SPANXN2: variants seen among roughly 807,000 people sequenced by gnomAD.
SPANXN2 encodes sperm protein associated with the nucleus on the X chromosome N2.
SPANXN2 carries 1 observed loss-of-function variant against 2.0 expected under a neutral mutation model. The ratio of observed to expected loss-of-function variants is 0.50; its 90% CI spans 0.18 to 2.36. SPANXN2 has a LOEUF of 2.36. Among genes scored for constraint, SPANXN2 ranks in the 30% most tolerant of loss-of-function variants. The probability of loss-of-function intolerance (pLI) is 0.26; values close to 1 mark genes in which losing one functional copy is unlikely to be tolerated. For synonymous variants in SPANXN2, 43 were observed against 49.8 expected (o/e 0.86, Z 0.58); for missense variants, 88 against 116.7 (o/e 0.75, Z 1.13).
At chrX:143,714,569 T>C (rs1180859153) in intron 1 of SPANXN2, among the ~76,000 whole-genome samples, 1 of 111,544 alleles carries the variant, frequency 9.0e-6, no homozygotes, top group African/African-American at 3.3e-5. Flanking sequence ...CAGACAGAAA[T>C]CAGGCCATAT....
chrX:143,719,521 T>G (rs1320014725), intron 1 of SPANXN2, among the ~76,000 whole-genome samples: 2 of 112,124 alleles, frequency 1.8e-5, no homozygotes, highest in African/African-American at 6.5e-5. Context: ...AAAGGGTTTG[T>G]GCAGAATTCA....
chrX:143,711,989 G>A (rs1246758889), exon 2 of SPANXN2: 18 of 1,206,589 alleles, frequency 1.5e-5, no homozygotes, highest in Non-Finnish European at 2.0e-5. Flanking sequence ...TGTAATCATC[G>A]CCATTGGTAG....
intron 1 of SPANXN2, among the ~76,000 whole-genome samples, chrX:143,714,039 CG>C (rs1416062589): frequency 1.8e-5 from 2 of 108,883 alleles, no homozygotes; most frequent in African/African-American, 6.7e-5. Context: ...CCAACACACC[CG>C]TTCTTCAGCC....
chrX:143,718,566 C>T (rs187108606), intron 1 of SPANXN2, among the ~76,000 whole-genome samples: 80 of 111,911 alleles, frequency 7.1e-4, no homozygotes, highest in Non-Finnish European at 1.1e-3. Flanking sequence ...AGATCCACAT[C>T]TAGAAATTTG....
Position 143,712,077 on chromosome X carries a change from T to C in SPANXN2, c.501A>G (p.Leu167=), listed in dbSNP as rs145743231. 8.4e-5 allele frequency: 102 copies of C among 1,210,072 alleles called. No individual in the cohort carries two copies. The highest frequency in any genetic ancestry group is 1.1e-4 in the Non-Finnish European group (96 of 894,847). Residue 167 remains leucine, a synonymous_variant, in exon 2 of 2, where the codon CTA becomes CTG. Transcript: ENST00000598475. ...CCTGTGAAGATCCTTCAGATGAGTC[T>C]AGGTCTTCGTCCTCCTGTGAAGATC...
At chrX:143,720,471 T>G (rs1932348277) in intron 1 of SPANXN2, 120 bp downstream of exon 1, 7 of 770,934 alleles carry the variant, frequency 9.1e-6, no homozygotes, top group East Asian at 4.2e-5. Flanking sequence ...GGTTCTGGCA[T>G]TAAGCGGGTC....
exon 1 of SPANXN2, chrX:143,720,655 G>T (rs782426346): frequency 8.3e-7 from 1 of 1,211,032 alleles, no homozygotes; most frequent in East Asian, 3.0e-5. Context: ...GGTGCTTGAA[G>T]TCGGCTGTTC....
At chrX:143,715,022 T>C (rs1206451048) in intron 1 of SPANXN2, among the ~76,000 whole-genome samples, 2 of 111,199 alleles carry the variant, frequency 1.8e-5, no homozygotes, top group Non-Finnish European at 3.8e-5. Context: ...ACTCTGGAAA[T>C]CTTGCCCCAT....
At chrX:143,715,137 C>T (rs1308755881) in intron 1 of SPANXN2, among the ~76,000 whole-genome samples, 1 of 111,559 alleles carries the variant, frequency 9.0e-6, no homozygotes, top group African/African-American at 3.3e-5. Flanking sequence ...GTCCACCGCC[C>T]CTACTGCCAT....
chrX:143,719,638 A>G (rs782650871), intron 1 of SPANXN2, among the ~76,000 whole-genome samples: 21 of 111,979 alleles, frequency 1.9e-4, no homozygotes, highest in Non-Finnish European at 3.0e-4. Context: ...CTACTGGCCA[A>G]TTGGTCAGGA....
chrX:143,713,907 CTCTCTCTCT>C (rs1932211255), intron 1 of SPANXN2, among the ~76,000 whole-genome samples: 4 of 105,386 alleles, frequency 3.8e-5, no homozygotes, highest in Non-Finnish European at 7.8e-5. Context: ...CTCTCTCTCT[CTCTCTCTCT>C]CTCTCTCTCT....
intron 1 of SPANXN2, among the ~76,000 whole-genome samples, chrX:143,715,439 A>C: frequency 9.1e-6 from 1 of 110,108 alleles, no homozygotes; most frequent in South Asian, 4.0e-4. Context: ...AACTCCATGC[A>C]ATGTGGCTCC....
At chrX:143,720,621 G>A (rs1569482833) in exon 1 of SPANXN2, 10 of 1,210,973 alleles carry the variant, frequency 8.3e-6, no homozygotes, top group Middle Eastern at 2.3e-4. Flanking sequence ...TGGATTCACA[G>A]GGGCTCTTCC....
intron 1 of SPANXN2, among the ~76,000 whole-genome samples, chrX:143,715,736 A>G (rs1556449588): frequency 9.3e-6 from 1 of 107,524 alleles, no homozygotes; most frequent in Non-Finnish European, 1.9e-5. Context: ...CTCTCCCCAC[A>G]ACACCCCTAT....
At chrX:143,716,992 C>T (rs1369183711) in intron 1 of SPANXN2, among the ~76,000 whole-genome samples, 3 of 112,266 alleles carry the variant, frequency 2.7e-5, no homozygotes, top group East Asian at 2.8e-4. Context: ...CTCTCCTCCC[C>T]CTTCCAACAC....
intron 1 of SPANXN2, 22 bp downstream of exon 1, chrX:143,720,569 C>T (rs377211686): frequency 5.0e-6 from 6 of 1,205,731 alleles, no homozygotes; most frequent in Non-Finnish European, 6.7e-6. Context: ...CTCACCTTCC[C>T]TTCAAAACCT....
intron 1 of SPANXN2, among the ~76,000 whole-genome samples, chrX:143,720,148 C>T (rs1556450653): frequency 9.0e-6 from 1 of 111,174 alleles, no homozygotes; most frequent in African/African-American, 3.3e-5. Context: ...TGAGTCCAAA[C>T]CACCATTTAG....
intron 1 of SPANXN2, among the ~76,000 whole-genome samples, chrX:143,716,586 T>C (rs1443416686): frequency 8.9e-6 from 1 of 112,040 alleles, no homozygotes; most frequent in African/African-American, 3.2e-5. Flanking sequence ...CTATGTACAT[T>C]CTGACCAGCG....
chrX:143,716,222 T>C (rs1253821946), intron 1 of SPANXN2, among the ~76,000 whole-genome samples: 10 of 111,064 alleles, frequency 9.0e-5, no homozygotes, highest in African/African-American at 3.3e-4. Context: ...ATCAAGTATA[T>C]TGGGCCTAAC....
Sources: allele counts gnomAD v4.1 joint callset (sites outside exome capture counted in the v4.1 genomes callset), GRCh38; gene constraint gnomAD v4.1.1; transcripts MANE v1.5; gene names NCBI Gene and HGNC (gene_info 2026-07-23, HGNC 2026-07-21).